The following PGPEP1L variants were observed in gnomAD, a reference collection of about 807,000 sequenced individuals.
PGPEP1L encodes the protein pyroglutamyl-peptidase I like, also known as pyroglutamyl-peptidase 1-like protein.
In PGPEP1L, 7 loss-of-function variants were observed where a neutral mutation model predicts 6.0. The observed-to-expected ratio is 1.17, with a 90% CI of 0.66 to 2.19. The LOEUF (loss-of-function observed/expected upper bound fraction) is 2.19. Ranked by LOEUF, PGPEP1L falls within the 30% of genes most tolerant of loss-of-function variation. The probability of loss-of-function intolerance (pLI) is 0.00; values close to 1 mark genes in which losing one functional copy is unlikely to be tolerated. For missense variants in PGPEP1L, 209 were observed against 192.5 expected, an observed-to-expected ratio of 1.09 and a Z score of -0.51; for synonymous variants, 103 against 83.9, an observed-to-expected ratio of 1.23 and a Z score of -1.24.
intron 2 of PGPEP1L, among the ~76,000 whole-genome samples, chr15:98,981,438 C>T (rs1363506369): frequency 6.8e-6 from 1 of 146,878 alleles, no homozygotes. Flanking sequence ...TGCAGTGAGC[C>T]GAGATCGCAC....
intron 2 of PGPEP1L, among the ~76,000 whole-genome samples, chr15:98,979,633 CTTTTTTTTTTTTTTTTTTT>C (rs568793204): frequency 2.2e-5 from 1 of 46,510 alleles, no homozygotes; most frequent in Admixed American, 3.0e-4. Flanking sequence ...GGAGACTATT[CTTTTTTTTTTTTTTTTTTT>C]TTTTTTTTTT....
Position 98,981,499 on chromosome 15 carries a change from A to C in PGPEP1L, c.-141-10341T>G, listed in dbSNP as rs571254912. ...AGCAAGACTCCGTCTCAAAAAAAAAAAAAAAAACAAAAACAAAACAAAAAC... is the reference window on the plus strand; with the variant it reads ...AGCAAGACTCCGTCTCAAAAAAAAACAAAAAAACAAAAACAAAACAAAAAC... On this transcript the variant is annotated intron_variant, in intron 2 of 4. Transcript: ENST00000535714. Among the ~76,000 whole-genome samples, 405 of 142,280 alleles carry C rather than the reference A, an allele frequency of 2.8e-3. 4 individuals are homozygous for C. Among genetic ancestry groups the C allele is most frequent in the African/African-American group, 0.01 (352 of 34,036 alleles). 93.3% of individuals were successfully genotyped at this position (142,280 alleles called of 152,430 possible).
At chr15:98,969,713 T>C (rs2017465269) in intron 3 of PGPEP1L, 62 bp from the exon 4 acceptor site, 4 of 1,545,360 alleles carry the variant, frequency 2.6e-6, no homozygotes, top group Non-Finnish European at 1.8e-6. Context: ...GCTCACCAAA[T>C]GTGCAGAAGG....
At chr15:98,975,449 T>C (rs1309940492) in intron 2 of PGPEP1L, among the ~76,000 whole-genome samples, 1 of 152,188 alleles carries the variant, frequency 6.6e-6, no homozygotes, top group African/African-American at 2.4e-5. Context: ...ATTGTACATT[T>C]CAAAATAGCT....
chr15:98,981,109 A>G (rs946294151), intron 2 of PGPEP1L, among the ~76,000 whole-genome samples: 3 of 152,086 alleles, frequency 2.0e-5, no homozygotes, highest in Admixed American at 6.5e-5. Context: ...CCTCAGTCTG[A>G]TCATGAGAAA....
chr15:98,982,312 C>T (rs1024723534), intron 2 of PGPEP1L, among the ~76,000 whole-genome samples: 16 of 152,120 alleles, frequency 1.1e-4, no homozygotes, highest in Non-Finnish European at 2.2e-4. Context: ...AGCACAGGCT[C>T]TTTGCCATGG....
intron 2 of PGPEP1L, among the ~76,000 whole-genome samples, chr15:98,993,601 C>T (rs2017846741): frequency 7.4e-6 from 1 of 134,334 alleles, no homozygotes; most frequent in African/African-American, 2.8e-5. Flanking sequence ...TGTTCTCACT[C>T]ATACTGGGAG....
chr15:98,969,580 G>A lies in PGPEP1L; in HGVS notation c.54C>T (p.Gly18=). The change falls in exon 4 of 5, where the codon GGC becomes GGT. Residue 18 remains glycine, a synonymous_variant. Coordinates refer to ENST00000535714, the MANE Select transcript of PGPEP1L (RefSeq NM_001167902.2). ...AGCTGCGGATGTCGGCGTCCCGGTA[G>A]CCTTGGTTCTTGCCAGACTGTTCCA... The part of the protein sequence containing the change: ...IILEQSGKNQ[G]YRDADIRSFW... The A allele has an allele frequency of 6.2e-7, 1 of 1,613,866 alleles. No homozygotes were observed. Among genetic ancestry groups the A allele is most frequent in the Non-Finnish European group, 8.5e-7 (1 of 1,179,896 alleles).
chr15:98,976,123 A>C (rs75199140), intron 2 of PGPEP1L, among the ~76,000 whole-genome samples: 6,205 of 152,252 alleles, frequency 0.041, 147 homozygotes, highest in African/African-American at 0.054. Flanking sequence ...GGGACAATGG[A>C]AAGTTCTAGA....
intron 2 of PGPEP1L, among the ~76,000 whole-genome samples, chr15:98,994,534 A>T (rs1555472332): frequency 6.6e-6 from 1 of 152,122 alleles, no homozygotes; most frequent in East Asian, 1.9e-4. Flanking sequence ...ACGTGCCTGT[A>T]GTCCCAGCTA....
At chr15:98,978,405 A>C (rs2017600282) in intron 2 of PGPEP1L, among the ~76,000 whole-genome samples, 1 of 152,188 alleles carries the variant, frequency 6.6e-6, no homozygotes, top group Non-Finnish European at 1.5e-5. Context: ...ACTGGCTCAC[A>C]GCCTGCAGGC....
intron 2 of PGPEP1L, among the ~76,000 whole-genome samples, chr15:98,974,248 G>A (rs193052400): frequency 2.0e-5 from 3 of 152,108 alleles, no homozygotes; most frequent in South Asian, 2.1e-4. Flanking sequence ...GCCTGCTGGC[G>A]CACGCCTGTA....
intron 2 of PGPEP1L, among the ~76,000 whole-genome samples, chr15:98,999,520 T>G (rs561809667): frequency 1.5e-4 from 23 of 152,268 alleles, no homozygotes; most frequent in East Asian, 9.6e-4. Context: ...GGAAATAGTT[T>G]GACAATTTTT....
At chr15:98,974,090 G>T (rs927945528) in intron 2 of PGPEP1L, among the ~76,000 whole-genome samples, 7 of 152,160 alleles carry the variant, frequency 4.6e-5, no homozygotes, top group African/African-American at 1.7e-4. Flanking sequence ...GGAAAATATA[G>T]AAGAAATAGG....
chr15:98,971,983 CTT>C (rs1434946553), intron 2 of PGPEP1L, among the ~76,000 whole-genome samples: 4 of 152,266 alleles, frequency 2.6e-5, no homozygotes, highest in South Asian at 2.1e-4. Flanking sequence ...TTAAAAATAA[CTT>C]ATTATAACTA....
intron 1 of PGPEP1L, among the ~76,000 whole-genome samples, chr15:99,006,025 ATG>A (rs1555473581): frequency 6.6e-6 from 1 of 152,214 alleles, no homozygotes; most frequent in African/African-American, 2.4e-5. Flanking sequence ...TCCACAAAAT[ATG>A]TGAGATGTGA....
chr15:99,004,849 C>T (rs540379224), intron 2 of PGPEP1L, among the ~76,000 whole-genome samples: 1 of 151,892 alleles, frequency 6.6e-6, no homozygotes, highest in Non-Finnish European at 1.5e-5. Context: ...AGTGAGCAGC[C>T]ACCATTCCTT....
intron 2 of PGPEP1L, among the ~76,000 whole-genome samples, chr15:99,003,309 T>C (rs1471224806): frequency 1.3e-5 from 2 of 151,624 alleles, no homozygotes; most frequent in Admixed American, 6.6e-5. Flanking sequence ...TAGAATCATA[T>C]TTGTATCAGC....
At chr15:98,985,505 T>C (rs984671893) in intron 2 of PGPEP1L, among the ~76,000 whole-genome samples, 3 of 152,192 alleles carry the variant, frequency 2.0e-5, no homozygotes, top group Non-Finnish European at 4.4e-5. Context: ...GCCACTGCAC[T>C]CCAGCCTGGG....
Sources: gnomAD v4.1 joint callset for allele counts (sites outside exome capture counted in the v4.1 genomes callset) on GRCh38, gnomAD v4.1.1 for gene constraint, MANE v1.5 for transcripts, NCBI Gene and HGNC (gene_info 2026-07-23, HGNC 2026-07-21) for gene names.